AXIN1: variants seen among roughly 807,000 people sequenced by gnomAD.
AXIN1 encodes axin 1.
In AXIN1, 30 loss-of-function variants were observed where a neutral mutation model predicts 76.4. That is an observed-to-expected ratio of 0.39 (90% CI 0.29 to 0.53). AXIN1 has a LOEUF of 0.53. AXIN1 is among the 20% of genes least tolerant of loss of function. The pLI, the probability that AXIN1 is intolerant of heterozygous loss-of-function variation, is 0.66. For missense variants in AXIN1, 1,140 were observed against 1,198.8 expected, an observed-to-expected ratio of 0.95 and a Z score of 0.72; for synonymous variants, 545 against 501.4, an observed-to-expected ratio of 1.09 and a Z score of -1.16.
At chr16:308,490 C>T (rs932585575) in intron 4 of AXIN1, among the ~76,000 whole-genome samples, 2 of 152,234 alleles carry the variant, frequency 1.3e-5, no homozygotes, top group African/African-American at 4.8e-5. Context: ...AAGCCTCCCG[C>T]GGGCCTCAGC....
At chr16:331,930 G>A (rs2053698442) in intron 2 of AXIN1, among the ~76,000 whole-genome samples, 1 of 152,182 alleles carries the variant, frequency 6.6e-6, no homozygotes, top group African/African-American at 2.4e-5. Flanking sequence ...GCTGTTTCCA[G>A]GCCTGTGGGT....
chr16:352,311 G>T, intron 1 of AXIN1, 58 bp downstream of exon 1: 1 of 947,848 alleles, frequency 1.1e-6, no homozygotes, highest in Non-Finnish European at 1.3e-6. Context: ...GCCGCTTCCG[G>T]GTCCCGCCCG....
intron 4 of AXIN1, among the ~76,000 whole-genome samples, chr16:305,828 G>A (rs2053007976): frequency 6.6e-6 from 1 of 152,124 alleles, no homozygotes; most frequent in African/African-American, 2.4e-5. Context: ...ACAGGCGTGA[G>A]CCACTGCACC....
intron 2 of AXIN1, among the ~76,000 whole-genome samples, chr16:329,904 A>T (rs2053660411): frequency 6.6e-6 from 1 of 151,540 alleles, no homozygotes; most frequent in Non-Finnish European, 1.5e-5. Flanking sequence ...GAGTGCTGGG[A>T]TAACAGGCGT....
rs2052957226 is a variant in AXIN1, at chr16:304,306, T to C, written c.1252A>G (p.Met418Val). Residue 418 changes from methionine (M) to valine (V), a missense_variant and splice_region_variant, in exon 5 of 11, where the codon ATG becomes GTG. Physicochemically the swap from Met to Val is conservative, Grantham distance 21. This residue lies in a region of AXIN1 where 708 missense variants were observed against 776.9 expected (regional missense o/e 0.91). Coordinates refer to ENST00000262320, the MANE Select transcript of AXIN1 (RefSeq NM_003502.4). ...KLEERLKRVR[M>V]EEEGEDGDPS... is the part of the protein sequence containing the mutation. ...CGACACCGACGCGGCCCACTCACCA[T>C]GCGCACGCGCTTCAGCCGCTCCTCC... 5.6e-6 allele frequency: 9 copies of C among 1,610,948 alleles called. No homozygotes were observed. The East Asian group carries it at 8.9e-5, about 16-fold the overall frequency.
rs772207309 is a variant in AXIN1, at chr16:346,712, A to C, written c.314T>G (p.Phe105Cys). Residue 105 changes from phenylalanine (F) to cysteine (C), a missense_variant, in exon 2 of 11, where the codon TTC becomes TGC. Physicochemically the swap from Phe to Cys is radical, Grantham distance 205. Coordinates refer to ENST00000262320, the MANE Select transcript of AXIN1 (RefSeq NM_003502.4). ...DQDGISLFRT[F>C]LKQEGCADLL... ...GTCGGCACAGCCCTCCTGCTTCAGG[A>C]AAGTCCTGAACAGGCTTATCCCATC... 27 of 1,576,100 alleles carry C rather than the reference A, an allele frequency of 1.7e-5. No individual in the cohort carries two copies. The highest frequency in any genetic ancestry group is 8.6e-7 in the Non-Finnish European group (1 of 1,160,472).
rs187868304 is a variant in AXIN1 at position 311,640 on chromosome 16, G to A, written c.1020-1571C>T. Among the ~76,000 whole-genome samples, 342 of 152,094 alleles carry A rather than the reference G, an allele frequency of 2.2e-3. 13 individuals carry two copies. The East Asian group carries it at 0.061, about 27-fold the overall frequency. ...CAAAAAATTAGCCAGGTGTGGTGGC[G>A]AGTGCCTGTAGTCCCAGCTACTCGG... On this transcript the variant is annotated intron_variant, in intron 3 of 10. Coordinates refer to ENST00000262320, the MANE Select transcript of AXIN1 (RefSeq NM_003502.4).
intron 2 of AXIN1, among the ~76,000 whole-genome samples, chr16:344,824 A>G (rs2054002223): frequency 6.6e-6 from 1 of 152,216 alleles, no homozygotes; most frequent in Non-Finnish European, 1.5e-5. Flanking sequence ...TTAGACTACA[A>G]GTTTAACCTT....
chr16:342,707 C>CCA (rs1474230691), intron 2 of AXIN1, among the ~76,000 whole-genome samples: 2 of 152,228 alleles, frequency 1.3e-5, no homozygotes, highest in African/African-American at 4.8e-5. Context: ...AACAGCGGGC[C>CCA]CATCCGTCAG....
intron 2 of AXIN1, among the ~76,000 whole-genome samples, chr16:337,149 CAAAA>C (rs398028563): frequency 0.018 from 540 of 30,492 alleles, 1 homozygote; most frequent in African/African-American, 0.053. Context: ...GACCCCGTCT[CAAAA>C]AAAAAAAAAA....
chr16:347,327 TAAG>T (rs1156491729), intron 1 of AXIN1, among the ~76,000 whole-genome samples: 1 of 152,192 alleles, frequency 6.6e-6, no homozygotes, highest in Non-Finnish European at 1.5e-5. Context: ...CCTCTCATGC[TAAG>T]AAGGGATGCC....
At position 310,086 on chromosome 16, in the gene AXIN1, G is replaced by C. The variant is rs777090301; in HGVS notation, c.1020-17C>G. ...ATCCCATCCCTGTCCAGGAGAAAGA[G>C]GCAGCCGTTAACTCAGAGAGGAGCA... On this transcript the variant is annotated splice_polypyrimidine_tract_variant and intron_variant, in intron 3 of 10. Coordinates refer to ENST00000262320, the MANE Select transcript of AXIN1 (RefSeq NM_003502.4). The C allele has an allele frequency of 4.3e-5, 68 of 1,598,306 alleles. No homozygotes were observed. The highest frequency in any genetic ancestry group is 5.6e-5 in the Non-Finnish European group (66 of 1,172,980).
At chr16:299,925 G>A (rs2052825620) in intron 5 of AXIN1, among the ~76,000 whole-genome samples, 1 of 152,040 alleles carries the variant, frequency 6.6e-6, no homozygotes, top group Admixed American at 6.6e-5. Context: ...AAAGTGCTGG[G>A]ATTACAAGTG....
chr16:298,650 G>A (rs976068916), intron 5 of AXIN1, among the ~76,000 whole-genome samples: 4 of 152,194 alleles, frequency 2.6e-5, no homozygotes, highest in Non-Finnish European at 5.9e-5. Flanking sequence ...GGAGACCACA[G>A]CCGTGTGCCA....
intron 2 of AXIN1, among the ~76,000 whole-genome samples, chr16:337,893 T>G (rs2053840211): frequency 6.6e-6 from 1 of 152,196 alleles, no homozygotes; most frequent in African/African-American, 2.4e-5. Context: ...CTGTGTGTGT[T>G]TTCACAGAGC....
chr16:348,633 C>G (rs2054080115), intron 1 of AXIN1, among the ~76,000 whole-genome samples: 1 of 152,118 alleles, frequency 6.6e-6, no homozygotes, highest in Non-Finnish European at 1.5e-5. Flanking sequence ...GACCCAATCT[C>G]TACCAAAAAA....
chr16:331,398 C>G (rs1190858757), intron 2 of AXIN1, among the ~76,000 whole-genome samples: 1 of 152,214 alleles, frequency 6.6e-6, no homozygotes, highest in Non-Finnish European at 1.5e-5. Context: ...CCCTAACACT[C>G]CAAAGCAGCT....
chr16:295,264 A>T (rs759861047), intron 7 of AXIN1, among the ~76,000 whole-genome samples: 1 of 151,046 alleles, frequency 6.6e-6, no homozygotes, highest in African/African-American at 2.4e-5. Flanking sequence ...GCCACCACAC[A>T]CGGCTAATTT....
At chr16:291,650 A>G (rs2052564503) in intron 8 of AXIN1, 8 of 388,670 alleles carry the variant, frequency 2.1e-5, no homozygotes, top group South Asian at 1.7e-4. Flanking sequence ...GTCTCTTGGC[A>G]TGAATTCCCC....
Sources: allele counts gnomAD v4.1 joint callset (sites outside exome capture counted in the v4.1 genomes callset), GRCh38; gene constraint gnomAD v4.1.1; regional missense constraint gnomAD v4.1.1; transcripts MANE v1.5; gene names NCBI Gene and HGNC (gene_info 2026-07-23, HGNC 2026-07-21).